The following MEAF6 variants were observed in gnomAD, a reference collection of about 807,000 sequenced individuals.
The protein encoded by MEAF6 is chromatin modification-related protein MEAF6.
A neutral mutation model predicts 28.9 loss-of-function variants in MEAF6; 15 were observed. That is an observed-to-expected ratio of 0.52 (90% CI 0.35 to 0.80). MEAF6 has a LOEUF of 0.80. MEAF6 is among the 30% of genes least tolerant of loss of function. The pLI is 0.01. For synonymous variants in MEAF6, 97 were observed against 88.7 expected (o/e 1.09, Z -0.53); for missense variants, 178 against 237.5 (o/e 0.75, Z 1.65).
At chr1:37,501,475 AAATACT>A (rs1265863242) in intron 5 of MEAF6, 1 of 198,944 alleles carries the variant, frequency 5.0e-6, no homozygotes, top group African/African-American at 2.3e-5. Context: ...GGCATTTTTC[AAATACT>A]ATTACACAGA....
intron 4 of MEAF6, among the ~76,000 whole-genome samples, chr1:37,509,070 T>C (rs1642580217): frequency 6.6e-6 from 1 of 152,180 alleles, no homozygotes; most frequent in Non-Finnish European, 1.5e-5. Context: ...GTACTCCAGC[T>C]TGGGCTATAG....
At chr1:37,513,909 T>A in intron 1 of MEAF6, 1 of 274,654 alleles carries the variant, frequency 3.6e-6, no homozygotes, top group Non-Finnish European at 6.8e-6. Flanking sequence ...GTGAGCAGCC[T>A]TTCAGCGTCA....
At chr1:37,512,895 G>C (rs757306130) in intron 2 of MEAF6, among the ~76,000 whole-genome samples, 3 of 151,338 alleles carry the variant, frequency 2.0e-5, no homozygotes, top group African/African-American at 4.9e-5. Flanking sequence ...CTGTCTCTTA[G>C]AAAAAAGAAA....
intron 4 of MEAF6, among the ~76,000 whole-genome samples, chr1:37,503,893 G>C (rs2148075128): frequency 6.6e-6 from 1 of 152,204 alleles, no homozygotes; most frequent in South Asian, 2.1e-4. Flanking sequence ...CCAGGAAGTG[G>C]AGATTGCATG....
At chr1:37,514,596 G>T in intron 1 of MEAF6, 61 bp downstream of exon 1, 1 of 1,349,810 alleles carries the variant, frequency 7.4e-7, no homozygotes, top group Non-Finnish European at 9.8e-7. Context: ...CCGGGCTTGG[G>T]GCCTGGAGGC....
intron 5 of MEAF6, among the ~76,000 whole-genome samples, chr1:37,498,896 G>C (rs563014051): frequency 6.6e-6 from 1 of 152,082 alleles, no homozygotes; most frequent in African/African-American, 2.4e-5. Context: ...GTTCATGCCT[G>C]TAAACCCAGC....
rs1198473118 is a variant in MEAF6, at chr1:37,501,945, T to C, written c.392A>G (p.Gln131Arg). ...ESDTSPDFHN[Q>R]ENEPSQEDPE... ...GTCCTCCTGGCTGGGCTCATTTTCCTGATTGTGGAAGTCTGGAGAAGTGTC... is the reference window on the plus strand; with the variant it reads ...GTCCTCCTGGCTGGGCTCATTTTCCCGATTGTGGAAGTCTGGAGAAGTGTC... Residue 131 changes from glutamine (Q) to arginine (R), a missense_variant, in exon 5 of 7, where the codon CAG becomes CGG. Around this residue, in one of 2 missense-constraint regions of MEAF6, gnomAD observed 124 missense variants for 200.5 expected, o/e 0.62. Coordinates refer to ENST00000296214, the MANE Select transcript of MEAF6 (RefSeq NM_001270875.3). The C allele has an allele frequency of 1.2e-6, 2 of 1,610,818 alleles. No individual in the cohort carries two copies.
intron 6 of MEAF6, among the ~76,000 whole-genome samples, 194 bp downstream of exon 6, chr1:37,495,691 A>C (rs954206976): frequency 9.2e-6 from 1 of 109,224 alleles, no homozygotes; most frequent in Non-Finnish European, 2.1e-5. Flanking sequence ...TCTCAAAAAA[A>C]AAAAACAAAA....
chr1:37,509,598 G>A, intron 2 of MEAF6, 56 bp from the exon 3 acceptor site: 3 of 1,492,050 alleles, frequency 2.0e-6, no homozygotes, highest in Non-Finnish European at 1.9e-6. Context: ...GGCTCAAGCT[G>A]GGGATGCCCC....
intron 4 of MEAF6, among the ~76,000 whole-genome samples, chr1:37,503,219 G>T (rs1013541273): frequency 6.6e-6 from 1 of 152,214 alleles, no homozygotes; most frequent in Non-Finnish European, 1.5e-5. Context: ...TTACAGGCAT[G>T]AGCCACGCAT....
rs1484673934 is a variant in MEAF6, at chr1:37,490,498, A to G, written c.*3601T>C. 5.9e-5 allele frequency among the ~76,000 whole-genome samples: 9 copies of G among 152,130 alleles called. No homozygotes were observed. The highest frequency in any genetic ancestry group is 2.2e-4 in the African/African-American group (9 of 41,418). On this transcript the variant is annotated 3_prime_UTR_variant, in exon 7 of 7. Transcript: ENST00000296214. The stretch of plus-strand genomic sequence containing the variant: ...ATCCTGCTCTCTCCCCACACTTCAC[A>G]TAAACCAGTATAGTCCCCCTGTAGT...
chr1:37,508,312 A>C (rs1642554914), intron 4 of MEAF6, among the ~76,000 whole-genome samples: 1 of 96,458 alleles, frequency 1.0e-5, no homozygotes, highest in African/African-American at 4.2e-5. Context: ...GCATGGTCTC[A>C]CTTTGTCACC....
chr1:37,508,448 T>G (rs1642558783), intron 4 of MEAF6, among the ~76,000 whole-genome samples: 2 of 152,094 alleles, frequency 1.3e-5, no homozygotes, highest in South Asian at 4.1e-4. Flanking sequence ...CTGGCTAATT[T>G]TTTAATTTTT....
intron 2 of MEAF6, among the ~76,000 whole-genome samples, chr1:37,510,710 T>C (rs1389532706): frequency 6.6e-6 from 1 of 151,638 alleles, no homozygotes; most frequent in Non-Finnish European, 1.5e-5. Context: ...GTATCTATTT[T>C]ACCTTATTTA....
chr1:37,495,716 A>AAAAC (rs1642110281), intron 6 of MEAF6, among the ~76,000 whole-genome samples, 169 bp downstream of exon 6: 3 of 129,708 alleles, frequency 2.3e-5, no homozygotes, highest in Non-Finnish European at 3.5e-5. Context: ...AAAAAAAAAA[A>AAAAC]AAACAAAAAA....
chr1:37,504,477 T>C (rs1642412589), intron 4 of MEAF6, among the ~76,000 whole-genome samples: 1 of 152,036 alleles, frequency 6.6e-6, no homozygotes, highest in African/African-American at 2.4e-5. Flanking sequence ...ATCCTAAATA[T>C]ATACATTATC....
In MEAF6 at chr1:37,509,301, ACTC is replaced by A; in HGVS notation, c.314_316del (p.Gly105del). On this transcript the variant is annotated inframe_deletion, in exon 4 of 7. Transcript: ENST00000296214. ...ACTCTTTTCAATGAGCTGGTCCTGA[ACTC>A]CTGCCAATGCACTTACTGCCTAAAA... The A allele has an allele frequency of 6.2e-7, 1 of 1,614,050 alleles. No homozygotes were observed. The highest frequency in any genetic ancestry group is 8.5e-7 in the Non-Finnish European group (1 of 1,179,982).
Position 37,490,636 on chromosome 1 carries a change from C to T in MEAF6, c.*3463G>A, listed in dbSNP as rs757738078. Among the ~76,000 whole-genome samples the T allele has an allele frequency of 6.6e-6, 1 of 152,184 alleles. No individual in the cohort carries two copies. The highest frequency in any genetic ancestry group is 1.5e-5 in the Non-Finnish European group (1 of 68,038). On this transcript the variant is annotated 3_prime_UTR_variant, in exon 7 of 7. Transcript: ENST00000296214. ...CATAGCATACTGTAGCCTTGAACTT[C>T]TGGCTTCAAGCGATCCTGCTGCCTC... is the stretch of plus-strand genomic sequence containing the variant.
rs1368658277 is a variant in MEAF6 at position 37,493,510 on chromosome 1, T to C, written c.*589A>G. On this transcript the variant is annotated 3_prime_UTR_variant, in exon 7 of 7. Transcript: ENST00000296214. Reference sequence around the variant, plus strand: ...AGAGGCAAGTTTCCCATTTTACTTATGATAAACCAGATTATTTTCAGTTAT... The same window carrying C: ...AGAGGCAAGTTTCCCATTTTACTTACGATAAACCAGATTATTTTCAGTTAT... 10 of 488,610 alleles carry C rather than the reference T, an allele frequency of 2.0e-5. No homozygotes were observed. The highest frequency in any genetic ancestry group is 1.6e-4 in the Admixed American group (4 of 25,192). The allele number at this position is 488,610 out of a possible 1,614,324, so 30.3% of individuals were successfully genotyped here.
Sources: gnomAD v4.1 joint callset for allele counts (sites outside exome capture counted in the v4.1 genomes callset) on GRCh38, gnomAD v4.1.1 for gene constraint, gnomAD v4.1.1 regional missense constraint, MANE v1.5 for transcripts, NCBI Gene and HGNC (gene_info 2026-07-23, HGNC 2026-07-21) for gene names.